The following FYB1 variants were observed in gnomAD, a reference collection of about 807,000 sequenced individuals.
FYB1 encodes the protein FYN binding protein 1.
A neutral mutation model predicts 94.1 loss-of-function variants in FYB1; 41 were observed. The ratio of observed to expected loss-of-function variants is 0.44; its 90% CI spans 0.34 to 0.57. The LOEUF (loss-of-function observed/expected upper bound fraction) is 0.57, where lower values mean the gene tolerates loss of function less well. Among genes scored for constraint, FYB1 ranks in the 20% least tolerant of loss-of-function variants. The probability of loss-of-function intolerance (pLI) is 0.02; values close to 1 mark genes in which losing one functional copy is unlikely to be tolerated. For missense variants in FYB1, 1,050 were observed against 976.8 expected, an observed-to-expected ratio of 1.07 and a Z score of -1.00; for synonymous variants, 367 against 353.2, an observed-to-expected ratio of 1.04 and a Z score of -0.44.
intron 2 of FYB1, among the ~76,000 whole-genome samples, chr5:39,191,637 A>G (rs1230519820): frequency 2.0e-5 from 3 of 152,226 alleles, no homozygotes; most frequent in Non-Finnish European, 4.4e-5. Flanking sequence ...ACAAAGAGAC[A>G]TATTTCTTAT....
At chr5:39,245,562 G>C (rs137940105) in intron 1 of FYB1, among the ~76,000 whole-genome samples, 2 of 151,766 alleles carry the variant, frequency 1.3e-5, no homozygotes, top group African/African-American at 4.9e-5. Context: ...AGGATTTCTG[G>C]GTTGGATGTC....
At chr5:39,242,866 T>C (rs909383635) in intron 1 of FYB1, among the ~76,000 whole-genome samples, 10 of 152,222 alleles carry the variant, frequency 6.6e-5, no homozygotes, top group Admixed American at 2.6e-4. Context: ...ATTGTGGTTT[T>C]GATTTGCATT....
intron 3 of FYB1, among the ~76,000 whole-genome samples, chr5:39,151,402 G>T (rs982860281): frequency 6.6e-6 from 1 of 152,112 alleles, no homozygotes; most frequent in Non-Finnish European, 1.5e-5. Flanking sequence ...CAATTCTCCT[G>T]CCTCAGCCTC....
At chr5:39,177,361 T>G (rs981256973) in intron 2 of FYB1, among the ~76,000 whole-genome samples, 2 of 152,158 alleles carry the variant, frequency 1.3e-5, no homozygotes, top group Admixed American at 6.5e-5. Flanking sequence ...TCCTTTAAAT[T>G]CACAGAGCTA....
intron 1 of FYB1, among the ~76,000 whole-genome samples, chr5:39,213,749 C>T (rs1465639061): frequency 6.6e-6 from 1 of 151,988 alleles, no homozygotes; most frequent in African/African-American, 2.4e-5. Context: ...AACAGCTGCC[C>T]CTTAGAGTTG....
In FYB1 at chr5:39,170,050, A is replaced by G. The variant is rs1372919670; in HGVS notation, c.1136-16446T>C. 6.1e-6 allele frequency: 5 copies of G among 815,546 alleles called. No homozygotes were observed. The Admixed American group carries it at 7.0e-5, about 11-fold the overall frequency. The allele number at this position is 815,546 out of a possible 1,614,324, so 50.5% of individuals were successfully genotyped here. Reference sequence around the variant, plus strand: ...ATTTTCAATAGGATGAGAGGCCTCCACTGGTGTCCTAGATCTTACTTTCAC... The same window carrying G: ...ATTTTCAATAGGATGAGAGGCCTCCGCTGGTGTCCTAGATCTTACTTTCAC... On this transcript the variant is annotated intron_variant, in intron 2 of 18. Transcript: ENST00000512982.
At chr5:39,204,180 C>A (rs1321062916) in intron 1 of FYB1, among the ~76,000 whole-genome samples, 1 of 152,198 alleles carries the variant, frequency 6.6e-6, no homozygotes, top group Admixed American at 6.5e-5. Flanking sequence ...CTGACTCATG[C>A]ACACTTCAGG....
In FYB1 at chr5:39,201,887, T is replaced by G; in HGVS notation, c.1074A>C (p.Pro358=). 1 of 1,613,984 alleles carries G rather than the reference T, an allele frequency of 6.2e-7. No homozygotes were observed. The highest frequency in any genetic ancestry group is 8.5e-7 in the Non-Finnish European group (1 of 1,179,874). Residue 358 remains proline, a synonymous_variant, in exon 2 of 19, where the codon CCA becomes CCC. Transcript: ENST00000512982. ...PPLFTLGPPP[P]KPNRPPNVDL... ...CAACATTTGGTGGTCTGTTGGGTTT[T>G]GGTGGAGGTGGACCCAAGGTAAACA... is the stretch of plus-strand genomic sequence containing the variant.
chr5:39,126,146 T>C lies in FYB1; in HGVS notation c.1908-11A>G. On this transcript the variant is annotated splice_polypyrimidine_tract_variant and intron_variant, in intron 11 of 18. Transcript: ENST00000512982. ...ACCTGTAGTGTGGAGCTTTGGAGCA[T>C]GCAGGCATTGATCAGAATGTAATAA... is the stretch of plus-strand genomic sequence containing the variant. 1 of 1,612,404 alleles carries C rather than the reference T, an allele frequency of 6.2e-7. No homozygotes were observed. Among genetic ancestry groups the C allele is most frequent in the Non-Finnish European group, 8.5e-7 (1 of 1,179,236 alleles).
At chr5:39,251,728 A>G (rs1210368020) in intron 1 of FYB1, among the ~76,000 whole-genome samples, 1 of 152,194 alleles carries the variant, frequency 6.6e-6, no homozygotes, top group African/African-American at 2.4e-5. Context: ...TTATTTATAC[A>G]TGGATAAGGA....
chr5:39,137,943 A>T (rs145219631), intron 6 of FYB1: 89 of 528,044 alleles, frequency 1.7e-4, no homozygotes, highest in Middle Eastern at 6.8e-4. Context: ...TTTCCCTGAC[A>T]ACTTGTGCCA....
chr5:39,229,647 G>A (rs1750632888), intron 1 of FYB1, among the ~76,000 whole-genome samples: 1 of 152,146 alleles, frequency 6.6e-6, no homozygotes, highest in South Asian at 2.1e-4. Flanking sequence ...TTCCAGGCAA[G>A]GTGCAGAGAA....
In FYB1 at chr5:39,202,387, G is replaced by C. The variant is rs1748427297; in HGVS notation, c.574C>G (p.Leu192Val). The change falls in exon 2 of 19, where the codon CTC becomes GTC. Residue 192 changes from leucine (L) to valine (V), a missense_variant. Coordinates refer to ENST00000512982, the MANE Select transcript of FYB1 (RefSeq NM_001465.6). ...TGGCCAAAGGCGGGTTTGGGGAAGA[G>C]GGGCTTGGGTTCAAGATCTTGTGAT... is the stretch of plus-strand genomic sequence containing the variant. ...SASQDLEPKPLFPKPAFGQKP... is the reference protein window; with the variant it reads ...SASQDLEPKPVFPKPAFGQKP... 3 of 1,613,864 alleles carry C rather than the reference G, an allele frequency of 1.9e-6. No individual in the cohort carries two copies. In the African/African-American group the frequency reaches 4.0e-5, roughly 22 times the overall value.
intron 14 of FYB1, among the ~76,000 whole-genome samples, chr5:39,121,398 T>A (rs1384902958): frequency 6.6e-6 from 1 of 152,084 alleles, no homozygotes; most frequent in Non-Finnish European, 1.5e-5. Context: ...CCCTTCAGAG[T>A]CTTTGATTTT....
chr5:39,180,032 CCCATTTTTCTGA>C (rs1274840807), intron 2 of FYB1, among the ~76,000 whole-genome samples: 1 of 152,110 alleles, frequency 6.6e-6, no homozygotes. Context: ...AATGTAAGTG[CCCATTTTTCTGA>C]CCATGACTCC....
At chr5:39,272,322 T>G (rs1307696047) in intron 1 of FYB1, among the ~76,000 whole-genome samples, 1 of 152,146 alleles carries the variant, frequency 6.6e-6, no homozygotes, top group African/African-American at 2.4e-5. Flanking sequence ...ACTCTGACAC[T>G]GTTCTCTACT....
intron 9 of FYB1, among the ~76,000 whole-genome samples, 165 bp from the exon 10 acceptor site, chr5:39,130,777 T>G (rs1741128256): frequency 6.6e-6 from 1 of 152,128 alleles, no homozygotes; most frequent in Non-Finnish European, 1.5e-5. Context: ...TCATCATAGA[T>G]GGGTAATGAC....
At chr5:39,267,197 C>G (rs1012524096) in intron 1 of FYB1, among the ~76,000 whole-genome samples, 5 of 152,224 alleles carry the variant, frequency 3.3e-5, no homozygotes, top group African/African-American at 1.2e-4. Context: ...CAGTATTACT[C>G]TCCTGCAATC....
At position 39,134,997 on chromosome 5, in the gene FYB1, T is replaced by C; in HGVS notation, c.1533A>G (p.Gln511=). The change falls in exon 8 of 19, where the codon CAA becomes CAG. Residue 511 remains glutamine (Q), a synonymous_variant. Coordinates refer to ENST00000512982, the MANE Select transcript of FYB1 (RefSeq NM_001465.6). ...AACAAGCTTTTGCAAGATGGATGAC[T>C]TGAATAGGGCCTGTTAGCTGCAAAG... The part of the protein sequence containing the change: ...KKKFKLTGPI[Q]VIHLAKACCD... 1 of 1,613,918 alleles carries C rather than the reference T, an allele frequency of 6.2e-7. No homozygotes were observed. Among genetic ancestry groups the C allele is most frequent in the South Asian group, 1.1e-5 (1 of 91,086 alleles).
Sources: allele counts gnomAD v4.1 joint callset (sites outside exome capture counted in the v4.1 genomes callset), GRCh38; gene constraint gnomAD v4.1.1; transcripts MANE v1.5; gene names NCBI Gene and HGNC (gene_info 2026-07-23, HGNC 2026-07-21).